Variants in PKD2 observed in about 807,000 individuals in gnomAD.
The protein encoded by PKD2 is polycystin 2, transient receptor potential cation channel.
In PKD2, 48 loss-of-function variants were observed where a neutral mutation model predicts 105.9. The ratio of observed to expected loss-of-function variants is 0.45; its 90% confidence interval spans 0.36 to 0.58. PKD2 has a LOEUF of 0.58. PKD2 is among the 20% of genes least tolerant of loss of function. The pLI, the probability that PKD2 is intolerant of heterozygous loss-of-function variation, is 0.00. For synonymous variants in PKD2, 464 were observed against 481.1 expected (o/e 0.96, Z 0.46); for missense variants, 1,078 against 1,255.3 (o/e 0.86, Z 2.13).
Position 88,007,951 on chromosome 4 carries a change from C to T in PKD2, c.218C>T (p.Ala73Val), listed in dbSNP as rs1284904137. ...CGGGACCCCCCGGCCGGAGCCGCGGCCTCCCCTTCTCCTCCGCTCTCGTCG... is the reference window on the plus strand; with the variant it reads ...CGGGACCCCCCGGCCGGAGCCGCGGTCTCCCCTTCTCCTCCGCTCTCGTCG... ...AARDPPAGAAASPSPPLSSCS... is the reference protein window; with the variant it reads ...AARDPPAGAAVSPSPPLSSCS... Residue 73 changes from alanine (A) to valine (V), a missense_variant, in exon 1 of 15, where the codon GCC becomes GTC. Ala to Val is a moderately conservative substitution (Grantham distance 64). Transcript: ENST00000237596. The T allele has an allele frequency of 2.0e-6, 3 of 1,472,686 alleles. No individual in the cohort carries two copies. The highest frequency in any genetic ancestry group is 1.3e-5 in the South Asian group (1 of 78,488). 91.2% of individuals were successfully genotyped at this position (1,472,686 alleles called of 1,614,324 possible). A position where few individuals can be genotyped will look rare whatever the true frequency, so the allele number is the denominator to read the frequency against.
chr4:88,068,579 C>T (rs952398480), intron 13 of PKD2, among the ~76,000 whole-genome samples: 3 of 152,008 alleles, frequency 2.0e-5, no homozygotes, highest in Non-Finnish European at 4.4e-5. Context: ...ATATTTCTAC[C>T]AATGAAAAAT....
At chr4:88,011,779 G>T (rs1726388378) in intron 1 of PKD2, among the ~76,000 whole-genome samples, 1 of 151,506 alleles carries the variant, frequency 6.6e-6, no homozygotes, top group African/African-American at 2.4e-5. Flanking sequence ...GCTCTTAGTT[G>T]CTGTTCATGA....
intron 5 of PKD2, among the ~76,000 whole-genome samples, chr4:88,044,913 A>G (rs1232388536): frequency 6.6e-6 from 1 of 152,168 alleles, no homozygotes; most frequent in Non-Finnish European, 1.5e-5. Flanking sequence ...AAGAAAAGAA[A>G]TACTCAACCA....
Position 88,076,752 on chromosome 4 carries a change from GA to G in PKD2, c.*1061del, listed in dbSNP as rs1356637848. 2 of 152,166 alleles carry G rather than the reference GA, an allele frequency of 1.3e-5. No individual in the cohort carries two copies. Among genetic ancestry groups the G allele is most frequent in the African/African-American group, 4.8e-5 (2 of 41,434 alleles). The allele number at this position is 152,166 out of a possible 1,614,324, so 9.4% of individuals were successfully genotyped here. ...TGTAATCCCAGCACTTTGGGAGGCC[GA>G]AACAGGCGAATCACTTGAGCCCAGG... On this transcript the variant is annotated 3_prime_UTR_variant, in exon 15 of 15. Transcript: ENST00000237596.
chr4:88,070,226 C>T lies in PKD2; in HGVS notation c.2522+2165C>T, dbSNP rs188741130. On this transcript the variant is annotated intron_variant, in intron 13 of 14. Coordinates refer to ENST00000237596, the MANE Select transcript of PKD2 (RefSeq NM_000297.4). Reference sequence around the variant, plus strand: ...CTAATTTTACTGTGGTCCCCTTGTACATGATGACTCAATTTTCTCTCACCA... The same window carrying T: ...CTAATTTTACTGTGGTCCCCTTGTATATGATGACTCAATTTTCTCTCACCA... Among the ~76,000 whole-genome samples the T allele has an allele frequency of 3.1e-3, 475 of 152,210 alleles. 3 individuals are homozygous for T. The highest frequency in any genetic ancestry group is 0.01 in the African/African-American group (434 of 41,532).
intron 13 of PKD2, among the ~76,000 whole-genome samples, chr4:88,071,691 C>G (rs1282972216): frequency 6.6e-6 from 1 of 152,134 alleles, no homozygotes; most frequent in Non-Finnish European, 1.5e-5. Context: ...TTCATACAGT[C>G]TGTTTCCCCA....
intron 2 of PKD2, 21 bp from the exon 3 acceptor site, chr4:88,036,199 T>C: frequency 6.2e-7 from 1 of 1,613,700 alleles, no homozygotes; most frequent in Non-Finnish European, 8.5e-7. Context: ...GGGCGTTCAT[T>C]TGGATCTTTC....
rs758884614 is a variant in PKD2 at position 88,068,034 on chromosome 4, G to A, written c.2495G>A (p.Ser832Asn). ...HSSRRRGSIS[S>N]GVSYEEFQVL... ...TCCAGAAGGAGGGGAAGCATTTCTA[G>A]TGGCGTTTCTTACGAAGAGTTTCAA... Residue 832 changes from serine (S) to asparagine (N), a missense_variant, in exon 13 of 15, where the codon AGT becomes AAT. Coordinates refer to ENST00000237596, the MANE Select transcript of PKD2 (RefSeq NM_000297.4). 1 of 1,614,174 alleles carries A rather than the reference G, an allele frequency of 6.2e-7. No homozygotes were observed. The highest frequency in any genetic ancestry group is 8.5e-7 in the Non-Finnish European group (1 of 1,179,996).
intron 6 of PKD2, among the ~76,000 whole-genome samples, chr4:88,048,685 C>T (rs940529176): frequency 3.3e-5 from 5 of 151,932 alleles, no homozygotes; most frequent in Non-Finnish European, 7.4e-5. Flanking sequence ...TGGTGTTGAC[C>T]CCATCAGACC....
At chr4:88,061,806 A>T (rs962509764) in intron 9 of PKD2, 100 bp from the exon 10 acceptor site, 16 of 670,538 alleles carry the variant, frequency 2.4e-5, no homozygotes, top group Admixed American at 1.5e-4. Flanking sequence ...TCAGATTAGG[A>T]AAAAAAGGAT....
Position 88,033,424 on chromosome 4 carries a change from C to G in PKD2, c.710-2796C>G, listed in dbSNP as rs370513277. On this transcript the variant is annotated intron_variant, in intron 2 of 14. Coordinates refer to ENST00000237596, the MANE Select transcript of PKD2 (RefSeq NM_000297.4). Reference sequence around the variant, plus strand: ...CCTTGGCCATAGAGCCAGACCTTATCTCAAAAAAAAAAAAAAAAAGTTACA... The same window carrying G: ...CCTTGGCCATAGAGCCAGACCTTATGTCAAAAAAAAAAAAAAAAAGTTACA... Among the ~76,000 whole-genome samples the G allele has an allele frequency of 7.5e-5, 11 of 146,916 alleles. No individual in the cohort carries two copies. In the South Asian group the frequency reaches 2.4e-3, roughly 31 times the overall value.
intron 9 of PKD2, among the ~76,000 whole-genome samples, chr4:88,059,890 A>T (rs1446510663): frequency 5.3e-5 from 8 of 152,118 alleles, no homozygotes; most frequent in Non-Finnish European, 1.5e-5. Flanking sequence ...GCCTGGTATT[A>T]GTTTATTGCC....
chr4:88,066,568 G>T (rs767511895), intron 12 of PKD2, among the ~76,000 whole-genome samples: 3 of 151,950 alleles, frequency 2.0e-5, no homozygotes, highest in Admixed American at 2.0e-4. Flanking sequence ...CACCATGTTG[G>T]TCTCAAACTC....
At chr4:88,052,869 A>G (rs955514885) in intron 7 of PKD2, among the ~76,000 whole-genome samples, 2 of 152,212 alleles carry the variant, frequency 1.3e-5, no homozygotes, top group African/African-American at 2.4e-5. Context: ...TTTTCCAGGT[A>G]GAGGCTGTAA....
Position 88,008,031 on chromosome 4 carries a change from G to T in PKD2, c.298G>T (p.Glu100Ter). 1 of 1,522,316 alleles carries T rather than the reference G, an allele frequency of 6.6e-7. No individual in the cohort carries two copies. Among genetic ancestry groups the T allele is most frequent in the Non-Finnish European group, 8.8e-7 (1 of 1,139,828 alleles). 94.3% of individuals were successfully genotyped at this position (1,522,316 alleles called of 1,614,324 possible). The change falls in exon 1 of 15, where the codon GAG becomes TAG. Residue 100 changes from glutamate (E) to a stop codon, truncating the protein, a stop_gained. Transcript: ENST00000237596. LOFTEE classifies it high-confidence loss of function. ...DNPGFEAEEE[E>*]EEVEGEEGGM... is the part of the protein sequence containing the mutation. ...CCCCGGCTTCGAGGCCGAGGAGGAG[G>T]AGGAGGAGGTGGAAGGGGAAGAAGG...
At chr4:88,021,431 C>T (rs369596585) in intron 2 of PKD2, among the ~76,000 whole-genome samples, 2 of 152,104 alleles carry the variant, frequency 1.3e-5, no homozygotes, top group South Asian at 2.1e-4. Flanking sequence ...AGAATATTGT[C>T]GCTTTTTGTT....
chr4:88,058,045 G>C lies in PKD2; in HGVS notation c.1961G>C (p.Arg654Pro). The C allele has an allele frequency of 6.4e-7, 1 of 1,557,890 alleles. No homozygotes were observed. The highest frequency in any genetic ancestry group is 1.7e-5 in the Admixed American group (1 of 59,948). ...INFAEIEEANRVLGPIYFTTF... is the reference protein window; with the variant it reads ...INFAEIEEANPVLGPIYFTTF... ...TTTGCAGAGATTGAGGAAGCTAATC[G>C]AGTTTTGGGACCAATTTATTTCACT... The change falls in exon 9 of 15, where the codon CGA becomes CCA. Residue 654 changes from arginine to proline, a missense_variant. Physicochemically the swap from Arg to Pro is moderately radical, Grantham distance 103 (BLOSUM62 -2). Transcript: ENST00000237596.
rs540354205 is a variant in PKD2, at chr4:88,017,558, C to T, written c.596-1900C>T. Among the ~76,000 whole-genome samples the T allele has an allele frequency of 5.3e-5, 8 of 152,098 alleles. No homozygotes were observed. The East Asian group carries it at 5.8e-4, about 11-fold the overall frequency. On this transcript the variant is annotated intron_variant, in intron 1 of 14. Coordinates refer to ENST00000237596, the MANE Select transcript of PKD2 (RefSeq NM_000297.4). ...CCATGTAGCTGGGATTACAGGCGCC[C>T]GCCACCACACCTGGCTAAGTTTTGT...
chr4:88,016,871 C>G (rs1726577900), intron 1 of PKD2, among the ~76,000 whole-genome samples: 1 of 151,420 alleles, frequency 6.6e-6, no homozygotes, highest in South Asian at 2.1e-4. Flanking sequence ...TGAGCTGAGG[C>G]AGGAGGATTG....
Sources: allele counts gnomAD v4.1 joint callset (sites outside exome capture counted in the v4.1 genomes callset), GRCh38; gene constraint gnomAD v4.1.1; transcripts MANE v1.5; gene names NCBI Gene and HGNC (gene_info 2026-07-23, HGNC 2026-07-21).